Variants in TMEM9B observed in about 807,000 individuals in gnomAD.
The protein encoded by TMEM9B is TMEM9 domain family member B.
In TMEM9B, 8 loss-of-function variants were observed where a neutral mutation model predicts 23.5. The ratio of observed to expected loss-of-function variants is 0.34; its 90% CI spans 0.20 to 0.61. The LOEUF (loss-of-function observed/expected upper bound fraction) is 0.61, where lower values mean the gene tolerates loss of function less well. Among genes scored for constraint, TMEM9B ranks in the 20% least tolerant of loss-of-function variants. The pLI is 0.78. For synonymous variants in TMEM9B, 106 were observed against 96.3 expected (o/e 1.10, Z -0.59); for missense variants, 197 against 252.3 (o/e 0.78, Z 1.49).
chr11:8,948,281 T>C lies in TMEM9B; in HGVS notation c.*39A>G. ...ACCCAGTCAGTTCTTTCCAGTTGTC[T>C]GCCTGTTTCTTTCTAGTCACCTTGA... On this transcript the variant is annotated 3_prime_UTR_variant, in exon 5 of 5. Coordinates refer to ENST00000534025, the MANE Select transcript of TMEM9B (RefSeq NM_020644.3). 6.3e-6 allele frequency: 10 copies of C among 1,596,142 alleles called. No homozygotes were observed. Among genetic ancestry groups the C allele is most frequent in the Non-Finnish European group, 8.6e-6 (10 of 1,169,542 alleles).
chr11:8,947,211 A>G lies in TMEM9B; in HGVS notation c.*1109T>C, dbSNP rs1445536293. On this transcript the variant is annotated 3_prime_UTR_variant, in exon 5 of 5. Coordinates refer to ENST00000534025, the MANE Select transcript of TMEM9B (RefSeq NM_020644.3). ...AACAGTAGTCTCAGAACAGGGTACAAAATGTCTTTATATCTTCAATCTCAT... is the reference window on the plus strand; with the variant it reads ...AACAGTAGTCTCAGAACAGGGTACAGAATGTCTTTATATCTTCAATCTCAT... 1.3e-5 allele frequency: 2 copies of G among 152,648 alleles called. No homozygotes were observed. The highest frequency in any genetic ancestry group is 2.9e-5 in the Non-Finnish European group (2 of 68,038). The allele number at this position is 152,648 out of a possible 1,614,324, so 9.5% of individuals were successfully genotyped here. A position where few individuals can be genotyped will look rare whatever the true frequency, so the allele number is the denominator to read the frequency against.
intron 3 of TMEM9B, 43 bp from the exon 4 acceptor site, chr11:8,953,380 A>C: frequency 6.2e-7 from 1 of 1,600,472 alleles, no homozygotes; most frequent in Non-Finnish European, 8.5e-7. Context: ...GTTCAAGCCC[A>C]TAAATCAGAA....
At chr11:8,961,231 G>A (rs1324605902) in intron 2 of TMEM9B, among the ~76,000 whole-genome samples, 1 of 152,174 alleles carries the variant, frequency 6.6e-6, no homozygotes, top group Non-Finnish European at 1.5e-5. Context: ...TTGGAATACT[G>A]TTAACTGAAT....
In TMEM9B at chr11:8,964,363, C is replaced by CGTCTCG; in HGVS notation, c.-51_-50insCGAGAC. 6.7e-7 allele frequency: 1 copy of CGTCTCG among 1,492,238 alleles called. No individual in the cohort carries two copies. The highest frequency in any genetic ancestry group is 1.6e-5 in the African/African-American group (1 of 62,552). The allele number at this position is 1,492,238 out of a possible 1,614,324, so 92.4% of individuals were successfully genotyped here. Reference sequence around the variant, plus strand: ...GCCCGGAGCCCCCGCGACCGGCTCCCGGCTCGGGCTCAGGCTCAGGCTCAG... The same window carrying CGTCTCG: ...GCCCGGAGCCCCCGCGACCGGCTCCCGTCTCGGGCTCGGGCTCAGGCTCAGGCTCAG... On this transcript the variant is annotated 5_prime_UTR_variant, in exon 1 of 5. Coordinates refer to ENST00000534025, the MANE Select transcript of TMEM9B (RefSeq NM_020644.3).
Position 8,964,391 on chromosome 11 carries a change from TCAGGCA to T in TMEM9B, c.-84_-79del, listed in dbSNP as rs1008949005. On this transcript the variant is annotated 5_prime_UTR_variant, in exon 1 of 5. Transcript: ENST00000534025. ...CTCGGGCTCAGGCTCAGGCTCAGGC[TCAGGCA>T]CAGGCTTGGGACCCGGCTGGGGATC... 1 of 1,516,412 alleles carries T rather than the reference TCAGGCA, an allele frequency of 6.6e-7. No homozygotes were observed. Among genetic ancestry groups the T allele is most frequent in the Non-Finnish European group, 8.8e-7 (1 of 1,134,842 alleles). The allele number at this position is 1,516,412 out of a possible 1,614,324, so 93.9% of individuals were successfully genotyped here. A position where few individuals can be genotyped will look rare whatever the true frequency, so the allele number is the denominator to read the frequency against.
Position 8,964,428 on chromosome 11 carries a change from C to T in TMEM9B, c.-115G>A, listed in dbSNP as rs991433976. The stretch of plus-strand genomic sequence containing the variant: ...TTGGGACCCGGCTGGGGATCCTCCG[C>T]CCGCACTTCCGTCTGGACGCGAAGG... On this transcript the variant is annotated 5_prime_UTR_variant, in exon 1 of 5. Coordinates refer to ENST00000534025, the MANE Select transcript of TMEM9B (RefSeq NM_020644.3). 43 of 1,434,770 alleles carry T rather than the reference C, an allele frequency of 3.0e-5. No individual in the cohort carries two copies. The highest frequency in any genetic ancestry group is 1.5e-4 in the Admixed American group (5 of 34,310). 88.9% of individuals were successfully genotyped at this position (1,434,770 alleles called of 1,614,324 possible). A position where few individuals can be genotyped will look rare whatever the true frequency, so the allele number is the denominator to read the frequency against.
intron 2 of TMEM9B, 36 bp from the exon 3 acceptor site, chr11:8,956,334 G>T: frequency 1.3e-6 from 2 of 1,584,900 alleles, no homozygotes. Flanking sequence ...CTTAAGCCCA[G>T]CTAGCTCTTC....
chr11:8,963,405 G>A (rs1002055359), intron 1 of TMEM9B, among the ~76,000 whole-genome samples: 6 of 152,182 alleles, frequency 3.9e-5, no homozygotes, highest in Non-Finnish European at 7.3e-5. Context: ...CCCCAATGAT[G>A]AGCTAGCTCA....
chr11:8,960,874 A>C (rs1008303265), intron 2 of TMEM9B, among the ~76,000 whole-genome samples: 5 of 151,316 alleles, frequency 3.3e-5, no homozygotes, highest in Non-Finnish European at 7.4e-5. Context: ...TAGTAGAGAC[A>C]GGGTTTCACT....
intron 4 of TMEM9B, 85 bp from the exon 5 acceptor site, chr11:8,948,560 A>T: frequency 2.0e-6 from 3 of 1,483,838 alleles, no homozygotes; most frequent in Non-Finnish European, 2.7e-6. Flanking sequence ...CCGCCACAGA[A>T]ATAGGGGTAG....
rs572121386 is a variant in TMEM9B at position 8,963,792 on chromosome 11, G to A, written c.105+417C>T. Among the ~76,000 whole-genome samples the A allele has an allele frequency of 6.8e-4, 104 of 152,278 alleles. 1 individual carries two copies. Among genetic ancestry groups the A allele is most frequent in the African/African-American group, 2.4e-3 (101 of 41,552 alleles). On this transcript the variant is annotated intron_variant, in intron 1 of 4. Transcript: ENST00000534025. ...TCAGATGGGGGCTTCCTATCATTCT[G>A]GCTTGGGGCATGCGGGGCCTGTGAG...
intron 4 of TMEM9B, among the ~76,000 whole-genome samples, chr11:8,951,757 CAA>C (rs747141702): frequency 2.0e-4 from 18 of 91,380 alleles, no homozygotes; most frequent in Non-Finnish European, 1.8e-4. Flanking sequence ...GACTGCGTCT[CAA>C]AAAAAAAAAA....
At chr11:8,959,791 A>G (rs1003589082) in intron 2 of TMEM9B, among the ~76,000 whole-genome samples, 6 of 152,170 alleles carry the variant, frequency 3.9e-5, no homozygotes, top group African/African-American at 1.4e-4. Context: ...TTAGCTTTAA[A>G]TCACCCCAAA....
intron 4 of TMEM9B, 76 bp downstream of exon 4, chr11:8,953,127 C>T (rs1395076612): frequency 2.5e-6 from 4 of 1,580,116 alleles, no homozygotes; most frequent in Non-Finnish European, 3.5e-6. Context: ...CTATATATGA[C>T]TATTTTTCAC....
chr11:8,964,567 C>G (rs1203742090), upstream of TMEM9B: 1 of 1,093,002 alleles, frequency 9.1e-7, no homozygotes. Context: ...TAGCCCCGGC[C>G]CCGGGACGGA....
Position 8,953,197 on chromosome 11 carries a change from A to G in TMEM9B, c.441+6T>C, listed in dbSNP as rs1485423344. 3.7e-6 allele frequency: 6 copies of G among 1,614,028 alleles called. No individual in the cohort carries two copies. Among genetic ancestry groups the G allele is most frequent in the Middle Eastern group, 1.6e-4 (1 of 6,084 alleles). ...CATGAGCAGCTAGGGCAGGCTGGGA[A>G]CTTACCCCAATATCATCATCACTCT... On this transcript the variant is annotated splice_donor_region_variant and intron_variant, in intron 4 of 4. Coordinates refer to ENST00000534025, the MANE Select transcript of TMEM9B (RefSeq NM_020644.3).
chr11:8,959,687 G>C (rs942734074), intron 2 of TMEM9B, among the ~76,000 whole-genome samples: 1 of 152,184 alleles, frequency 6.6e-6, no homozygotes, highest in Admixed American at 6.5e-5. Flanking sequence ...GATTTTGGCT[G>C]ACCAGTCATT....
chr11:8,950,042 G>A (rs1188074480), intron 4 of TMEM9B, among the ~76,000 whole-genome samples: 2 of 151,314 alleles, frequency 1.3e-5, no homozygotes, highest in African/African-American at 4.9e-5. Flanking sequence ...GGGACCTATA[G>A]CCTATTTTTA....
intron 3 of TMEM9B, 63 bp from the exon 4 acceptor site, chr11:8,953,400 A>T (rs1186921367): frequency 1.3e-6 from 2 of 1,547,562 alleles, no homozygotes; most frequent in Non-Finnish European, 1.8e-6. Context: ...ACTTTGTATG[A>T]TAATAGTAAA....
Sources: allele counts gnomAD v4.1 joint callset (sites outside exome capture counted in the v4.1 genomes callset), GRCh38; gene constraint gnomAD v4.1.1; transcripts MANE v1.5; gene names NCBI Gene and HGNC (gene_info 2026-07-23, HGNC 2026-07-21).